Variants in BBS4 observed in about 807,000 individuals in gnomAD.
BBS4 encodes the protein Bardet-Biedl syndrome 4, also known as BBSome complex member BBS4.
A neutral mutation model predicts 71.4 loss-of-function variants in BBS4; 58 were observed. The observed-to-expected ratio is 0.81, with a 90% CI of 0.66 to 1.01. The LOEUF (loss-of-function observed/expected upper bound fraction) is 1.01, where lower values mean the gene tolerates loss of function less well. BBS4 is among the 50% of genes least tolerant of loss of function. The pLI is 0.00. For synonymous variants in BBS4, 228 were observed against 216.8 expected (o/e 1.05, Z -0.46); for missense variants, 660 against 607.9 (o/e 1.09, Z -0.90).
intron 6 of BBS4, chr15:72,717,477 A>G (rs1484231215): frequency 1.3e-5 from 2 of 152,628 alleles, no homozygotes; most frequent in Admixed American, 6.5e-5. Context: ...TTACAAGAAG[A>G]CTGCTGCATC....
At chr15:72,724,388 C>A in intron 7 of BBS4, 140 bp from the exon 8 acceptor site, 2 of 1,252,042 alleles carry the variant, frequency 1.6e-6, no homozygotes, top group Non-Finnish European at 2.3e-6. Flanking sequence ...ATGTTTTGGT[C>A]TTTGGGTAGT....
chr15:72,697,351 C>T (rs1056514052), intron 2 of BBS4, among the ~76,000 whole-genome samples: 1 of 152,140 alleles, frequency 6.6e-6, no homozygotes, highest in African/African-American at 2.4e-5. Flanking sequence ...CTGTGAAATC[C>T]TTAGACTTTT....
At chr15:72,722,733 C>A in intron 6 of BBS4, 61 bp from the exon 7 acceptor site, 1 of 1,466,330 alleles carries the variant, frequency 6.8e-7, no homozygotes, top group South Asian at 1.1e-5. Context: ...TCTGTTGTTT[C>A]ACTCTAATAC....
At chr15:72,687,123 A>ATTTTTTTTTTTTTT (rs1491389178) in intron 1 of BBS4, among the ~76,000 whole-genome samples, 10 of 11,970 alleles carry the variant, frequency 8.4e-4, no homozygotes, top group East Asian at 3.8e-3. Context: ...GAAGACAGAA[A>ATTTTTTTTTTTTTT]CTTTTTTTTT....
chr15:72,690,559 T>C (rs1464761526), intron 1 of BBS4, among the ~76,000 whole-genome samples: 2 of 152,166 alleles, frequency 1.3e-5, no homozygotes, highest in Non-Finnish European at 2.9e-5. Context: ...TTTAAAAAAT[T>C]GAGTTAACAT....
At chr15:72,718,787 A>AG (rs1375082113) in intron 6 of BBS4, among the ~76,000 whole-genome samples, 4 of 152,220 alleles carry the variant, frequency 2.6e-5, no homozygotes, top group African/African-American at 9.6e-5. Flanking sequence ...AAATGAAGGA[A>AG]GAAGAGCAAG....
chr15:72,729,605 T>C lies in BBS4; in HGVS notation c.643-11T>C, dbSNP rs1416506096. The C allele has an allele frequency of 6.2e-7, 1 of 1,613,938 alleles. No homozygotes were observed. Among genetic ancestry groups the C allele is most frequent in the South Asian group, 1.1e-5 (1 of 91,076 alleles). ...GCTGATGTAAATTGTCTTGTTTGCT[T>C]TTTTTCCAAGCTCGGCATTTACCAG... On this transcript the variant is annotated splice_polypyrimidine_tract_variant and intron_variant, in intron 9 of 15. Transcript: ENST00000268057.
chr15:72,709,684 A>G lies in BBS4; in HGVS notation c.77-16A>G. The G allele has an allele frequency of 6.3e-7, 1 of 1,590,998 alleles. No homozygotes were observed. Among genetic ancestry groups the G allele is most frequent in the Non-Finnish European group, 8.6e-7 (1 of 1,159,150 alleles). On this transcript the variant is annotated splice_polypyrimidine_tract_variant and intron_variant, in intron 2 of 15. Coordinates refer to ENST00000268057, the MANE Select transcript of BBS4 (RefSeq NM_033028.5). ...TAATGACTGTGTTGTTTGTTTTGTC[A>G]AAATATGCTGCCTAGCTCCAGAGTT... is the stretch of plus-strand genomic sequence containing the variant.
At chr15:72,698,532 GATTC>G (rs1156618729) in intron 2 of BBS4, among the ~76,000 whole-genome samples, 4 of 152,114 alleles carry the variant, frequency 2.6e-5, no homozygotes, top group Non-Finnish European at 5.9e-5. Flanking sequence ...GCATTTTCAA[GATTC>G]ATTCATGTTG....
chr15:72,737,387 T>G, intron 15 of BBS4, 91 bp from the exon 16 acceptor site: 2 of 1,109,188 alleles, frequency 1.8e-6, no homozygotes, highest in South Asian at 2.7e-5. Context: ...CCAGAAAATA[T>G]GGGGTTTCCT....
At position 72,716,776 on chromosome 15, in the gene BBS4, A is replaced by C. The variant is rs374525425; in HGVS notation, c.333-2A>C. ...TAATTATGGAAAATATATCTTTTAC[A>C]GATTTCTTTTGGGAAAACATAAAGC... On this transcript the variant is annotated splice_acceptor_variant, in intron 5 of 15. Transcript: ENST00000268057. LOFTEE classifies it high-confidence loss of function. 23 of 1,601,456 alleles carry C rather than the reference A, an allele frequency of 1.4e-5. No individual in the cohort carries two copies. Among genetic ancestry groups the C allele is most frequent in the Non-Finnish European group, 1.9e-5 (22 of 1,171,396 alleles).
chr15:72,699,970 C>T (rs1484945655), intron 2 of BBS4, among the ~76,000 whole-genome samples: 2 of 152,160 alleles, frequency 1.3e-5, no homozygotes, highest in Non-Finnish European at 2.9e-5. Context: ...GATGGAGTCT[C>T]GCTTTATTGC....
chr15:72,729,770 A>C, intron 10 of BBS4, 86 bp downstream of exon 10: 1 of 1,156,796 alleles, frequency 8.6e-7, no homozygotes. Flanking sequence ...GCAAAGGAAT[A>C]GCTTCTTAAA....
At position 72,736,765 on chromosome 15, in the gene BBS4, G is replaced by T. The variant is rs1347222235; in HGVS notation, c.1252G>T (p.Val418Leu). 2 of 1,614,046 alleles carry T rather than the reference G, an allele frequency of 1.2e-6. No individual in the cohort carries two copies. Among genetic ancestry groups the T allele is most frequent in the Admixed American group, 1.7e-5 (1 of 60,000 alleles). The change falls in exon 15 of 16, where the codon GTG (valine) becomes TTG (leucine). Residue 418 changes from valine to leucine, a missense_variant. Transcript: ENST00000268057. The stretch of plus-strand genomic sequence containing the variant: ...TTACTTCCTTTGTGGACACAAGATG[G>T]TGGAGATGGCTCAGAAGTTGGGAGC... Reference protein sequence around the residue: ...NSSLEFDSEMVEMAQKLGAAL... With the variant: ...NSSLEFDSEMLEMAQKLGAAL...
chr15:72,693,972 C>T (rs1288467252), intron 1 of BBS4, among the ~76,000 whole-genome samples: 1 of 151,946 alleles, frequency 6.6e-6, no homozygotes, highest in Non-Finnish European at 1.5e-5. Context: ...GCAACCTCTG[C>T]CTTCTGGGTT....
chr15:72,699,172 T>G (rs1410425368), intron 2 of BBS4, among the ~76,000 whole-genome samples: 1 of 152,076 alleles, frequency 6.6e-6, no homozygotes, highest in Non-Finnish European at 1.5e-5. Flanking sequence ...CTGCAACCTC[T>G]GCCTCCCGGG....
intron 2 of BBS4, chr15:72,698,034 T>A (rs2151000934): frequency 2.2e-6 from 1 of 455,928 alleles, no homozygotes; most frequent in East Asian, 7.0e-5. Context: ...TACCCATCAT[T>A]GAGGTGAGCG....
intron 2 of BBS4, among the ~76,000 whole-genome samples, chr15:72,696,712 A>G (rs1265370313): frequency 6.6e-6 from 1 of 150,880 alleles, no homozygotes; most frequent in East Asian, 2.0e-4. Context: ...GGTTTTCCCC[A>G]GTAGCTGGGT....
intron 12 of BBS4, among the ~76,000 whole-genome samples, chr15:72,732,897 T>C (rs1350222251): frequency 6.6e-6 from 1 of 152,180 alleles, no homozygotes; most frequent in Non-Finnish European, 1.5e-5. Context: ...AGGTTGGGGA[T>C]TGGCCAGTTT....
Sources: allele counts gnomAD v4.1 joint callset (sites outside exome capture counted in the v4.1 genomes callset), GRCh38; gene constraint gnomAD v4.1.1; transcripts MANE v1.5; gene names NCBI Gene and HGNC (gene_info 2026-07-23, HGNC 2026-07-21).